Variants in MAPK10 observed in about 807,000 individuals in gnomAD.
MAPK10 encodes the protein mitogen-activated protein kinase 10, also known as JNK3 alpha protein kinase.
A neutral mutation model predicts 59.3 loss-of-function variants in MAPK10; 25 were observed. That is an observed-to-expected ratio of 0.42 (90% confidence interval 0.31 to 0.59). The LOEUF (loss-of-function observed/expected upper bound fraction) is 0.59, where lower values mean the gene tolerates loss of function less well. Ranked by LOEUF, MAPK10 falls within the 20% of genes least tolerant of loss-of-function variation. The pLI is 0.15. For missense variants in MAPK10, 351 were observed against 568.9 expected, an observed-to-expected ratio of 0.62 and a Z score of 3.90; for synonymous variants, 190 against 200.5, an observed-to-expected ratio of 0.95 and a Z score of 0.44.
At chr4:86,163,001 C>T (rs901616606) in intron 3 of MAPK10, among the ~76,000 whole-genome samples, 1 of 152,078 alleles carries the variant, frequency 6.6e-6, no homozygotes, top group Admixed American at 6.6e-5. Flanking sequence ...TTTGTGAATT[C>T]ACACACACAT....
chr4:86,479,035 C>T (rs1421953746), intron 1 of MAPK10, among the ~76,000 whole-genome samples: 2 of 152,134 alleles, frequency 1.3e-5, no homozygotes, highest in Admixed American at 1.3e-4. Context: ...CTCAACATGC[C>T]CTGAGTCAGG....
At chr4:86,582,914 T>TTATGAAAATATTATTG (rs1421393988) in intron 1 of MAPK10, among the ~76,000 whole-genome samples, 2 of 152,172 alleles carry the variant, frequency 1.3e-5, no homozygotes, top group African/African-American at 4.8e-5. Flanking sequence ...ACATATTATT[T>TTATGAAAATATTATTG]TATGAAAATA....
At chr4:86,047,305 A>C (rs1166193237) in intron 11 of MAPK10, among the ~76,000 whole-genome samples, 2 of 152,132 alleles carry the variant, frequency 1.3e-5, no homozygotes, top group Non-Finnish European at 2.9e-5. Flanking sequence ...ACATTTGAGC[A>C]GAGATTTGAA....
intron 2 of MAPK10, among the ~76,000 whole-genome samples, chr4:86,337,151 T>C (rs1238951271): frequency 1.3e-5 from 2 of 152,156 alleles, no homozygotes; most frequent in African/African-American, 4.8e-5. Context: ...ACCTAGCACA[T>C]AGTAGATACT....
chr4:86,231,269 T>C (rs2148663968), intron 2 of MAPK10, among the ~76,000 whole-genome samples: 1 of 152,330 alleles, frequency 6.6e-6, no homozygotes, highest in East Asian at 1.9e-4. Context: ...GGGTCATACT[T>C]ATACTAAAAA....
chr4:86,137,862 G>A (rs1243617516), intron 4 of MAPK10, among the ~76,000 whole-genome samples: 2,168 of 147,674 alleles, frequency 0.015, 16 homozygotes, highest in African/African-American at 0.052. Flanking sequence ...TATCACCACC[G>A]ATCCCACAGA....
At chr4:86,178,333 T>C (rs1373310073) in intron 3 of MAPK10, among the ~76,000 whole-genome samples, 1 of 151,970 alleles carries the variant, frequency 6.6e-6, no homozygotes, top group East Asian at 1.9e-4. Context: ...TTTTGGTTGG[T>C]TGGATGTTTG....
At chr4:86,264,191 C>A (rs1483296577) in intron 2 of MAPK10, among the ~76,000 whole-genome samples, 1 of 152,144 alleles carries the variant, frequency 6.6e-6, no homozygotes, top group Non-Finnish European at 1.5e-5. Flanking sequence ...TAATTCCATT[C>A]TTTCCCCTAT....
intron 2 of MAPK10, among the ~76,000 whole-genome samples, chr4:86,261,342 G>T (rs1043020189): frequency 1.3e-5 from 2 of 152,130 alleles, no homozygotes; most frequent in African/African-American, 4.8e-5. Flanking sequence ...TTTTGTAACA[G>T]GAGCTAAATT....
intron 2 of MAPK10, among the ~76,000 whole-genome samples, chr4:86,279,125 T>C (rs1190616429): frequency 1.3e-5 from 2 of 152,188 alleles, no homozygotes; most frequent in Admixed American, 1.3e-4. Flanking sequence ...CATATTATCT[T>C]TGTAAATTTT....
intron 2 of MAPK10, among the ~76,000 whole-genome samples, chr4:86,243,741 C>T (rs2092902812): frequency 6.7e-6 from 1 of 150,128 alleles, no homozygotes; most frequent in African/African-American, 2.5e-5. Context: ...CCCACCCCCT[C>T]CCCCAATCCT....
chr4:86,412,719 CA>C (rs1379583204), intron 1 of MAPK10, among the ~76,000 whole-genome samples: 6 of 152,166 alleles, frequency 3.9e-5, no homozygotes. Context: ...GCATGTGTCA[CA>C]AAGTTCTCGT....
At chr4:86,067,278 A>T (rs1267650246) in intron 10 of MAPK10, among the ~76,000 whole-genome samples, 1 of 152,008 alleles carries the variant, frequency 6.6e-6, no homozygotes, top group African/African-American at 2.4e-5. Flanking sequence ...AGTAGCTGGG[A>T]CTAGAGGTGT....
At chr4:86,169,323 T>G (rs2149254217) in intron 3 of MAPK10, among the ~76,000 whole-genome samples, 1 of 152,182 alleles carries the variant, frequency 6.6e-6, no homozygotes, top group African/African-American at 2.4e-5. Flanking sequence ...TGAAAAAAAT[T>G]TAGACGAATG....
intron 2 of MAPK10, among the ~76,000 whole-genome samples, chr4:86,344,616 G>C (rs1324643995): frequency 6.6e-6 from 1 of 151,786 alleles, no homozygotes; most frequent in Non-Finnish European, 1.5e-5. Flanking sequence ...GAGGGAAGAA[G>C]TGAGGGAGTG....
At chr4:86,352,495 A>T (rs941839046) in intron 2 of MAPK10, among the ~76,000 whole-genome samples, 14 of 152,188 alleles carry the variant, frequency 9.2e-5, no homozygotes, top group African/African-American at 3.4e-4. Context: ...GCATAGGCAG[A>T]ACTAAGATTC....
chr4:86,482,900 C>T (rs1753712878), intron 1 of MAPK10, among the ~76,000 whole-genome samples: 1 of 152,066 alleles, frequency 6.6e-6, no homozygotes, highest in African/African-American at 2.4e-5. Flanking sequence ...TTTTTTCCCT[C>T]TTTTCTCATT....
intron 13 of MAPK10, chr4:86,027,717 C>T (rs954659663): frequency 2.0e-5 from 3 of 152,182 alleles, no homozygotes; most frequent in Admixed American, 6.5e-5. Flanking sequence ...ATGTGCAAGG[C>T]ACAGCACCCA....
At chr4:86,242,869 C>CG (rs2092826472) in intron 2 of MAPK10, among the ~76,000 whole-genome samples, 1 of 129,188 alleles carries the variant, frequency 7.7e-6, no homozygotes, top group African/African-American at 4.1e-5. Flanking sequence ...TGCCCCTCCC[C>CG]CGGAAGTTCG....
Sources: gnomAD v4.1 joint callset for allele counts (sites outside exome capture counted in the v4.1 genomes callset) on GRCh38, gnomAD v4.1.1 for gene constraint, MANE v1.5 for transcripts, NCBI Gene and HGNC (gene_info 2026-07-23, HGNC 2026-07-21) for gene names.